Variants in ABCC11 observed in about 807,000 individuals in gnomAD.
The protein encoded by ABCC11 is ATP-binding cassette sub-family C member 11.
Under a neutral mutation model 149.3 loss-of-function variants are expected in ABCC11, and 135 were observed. That is an observed-to-expected ratio of 0.90 (90% CI 0.79 to 1.04). The LOEUF is 1.04. Ranked by LOEUF, ABCC11 falls within the 50% of genes least tolerant of loss-of-function variation. ABCC11 has a pLI of 0.00. For missense variants in ABCC11, 1,680 were observed against 1,722.1 expected (o/e 0.98, Z 0.43); for synonymous variants, 665 against 671.4 (o/e 0.99, Z 0.15).
intron 1 of ABCC11, among the ~76,000 whole-genome samples, chr16:48,240,513 T>C (rs1005634874): frequency 1.3e-5 from 2 of 150,726 alleles, no homozygotes; most frequent in African/African-American, 4.9e-5. Context: ...CAACACAATG[T>C]GGCCTGATGG....
At chr16:48,210,534 T>C (rs946327831) in intron 11 of ABCC11, 1 of 170,006 alleles carries the variant, frequency 5.9e-6, no homozygotes, top group African/African-American at 2.4e-5. Flanking sequence ...AGCAGGAAGC[T>C]AATTTTTGTA....
chr16:48,214,881 C>G lies in ABCC11; in HGVS notation c.1248G>C (p.Met416Ile). The change falls in exon 9 of 30, where the codon ATG becomes ATC. Residue 416 changes from methionine to isoleucine, a missense_variant and splice_region_variant. By Grantham distance (10) the Met-to-Ile change is conservative. Transcript: ENST00000356608. ...TSLKLKLTAS[M>I]AFSMLASLNL... The stretch of plus-strand genomic sequence containing the variant: ...AAAACAAAGCCCCCCAAACCCTTAC[C>G]ATTGACGCTGTGAGTTTCAGCTTTA... The G allele has an allele frequency of 6.2e-7, 1 of 1,614,100 alleles. No homozygotes were observed. The highest frequency in any genetic ancestry group is 1.7e-4 in the Middle Eastern group (1 of 6,056).
intron 8 of ABCC11, 29 bp from the exon 9 acceptor site, chr16:48,215,058 G>A: frequency 6.2e-7 from 1 of 1,610,992 alleles, no homozygotes; most frequent in Admixed American, 1.7e-5. Flanking sequence ...ATACACCAAA[G>A]ATAACCACAA....
chr16:48,180,067 G>C (rs1237667295), intron 23 of ABCC11, among the ~76,000 whole-genome samples: 1 of 152,214 alleles, frequency 6.6e-6, no homozygotes, highest in Non-Finnish European at 1.5e-5. Flanking sequence ...CACCCTGCGG[G>C]CTGCCTTGCC....
At chr16:48,198,878 A>G (rs533377929) in intron 15 of ABCC11, among the ~76,000 whole-genome samples, 3 of 152,120 alleles carry the variant, frequency 2.0e-5, no homozygotes, top group African/African-American at 7.2e-5. Context: ...CTGTACTACA[A>G]ATACAAAAAT....
At chr16:48,181,289 G>A (rs1207841101) in intron 23 of ABCC11, among the ~76,000 whole-genome samples, 2 of 152,210 alleles carry the variant, frequency 1.3e-5, no homozygotes, top group Non-Finnish European at 2.9e-5. Flanking sequence ...GAGAATGTGA[G>A]CCTGTGCACA....
intron 15 of ABCC11, among the ~76,000 whole-genome samples, chr16:48,200,046 A>G (rs573015288): frequency 4.6e-5 from 7 of 152,222 alleles, no homozygotes; most frequent in Admixed American, 4.6e-4. Context: ...GAGACCATAA[A>G]ATTTGTTCTC....
intron 17 of ABCC11, 139 bp downstream of exon 17, chr16:48,197,832 G>A (rs1967577222): frequency 1.1e-6 from 1 of 888,392 alleles, no homozygotes; most frequent in African/African-American, 1.7e-5. Context: ...CTTGGTTCTG[G>A]AACCTGTGTA....
intron 4 of ABCC11, among the ~76,000 whole-genome samples, chr16:48,226,566 T>C (rs8060722): frequency 0.13 from 19,897 of 152,008 alleles, 1,578 homozygotes; most frequent in African/African-American, 0.23. Context: ...CGTGAGCCAC[T>C]GCACCCGGCC....
At chr16:48,182,104 C>A (rs981427037) in intron 23 of ABCC11, among the ~76,000 whole-genome samples, 5 of 152,182 alleles carry the variant, frequency 3.3e-5, no homozygotes, top group Non-Finnish European at 7.3e-5. Context: ...TGAGATGGAG[C>A]CCCTTTGCAT....
chr16:48,230,218 C>T (rs1254802775), intron 3 of ABCC11, among the ~76,000 whole-genome samples: 5 of 152,330 alleles, frequency 3.3e-5, no homozygotes, highest in Non-Finnish European at 5.9e-5. Context: ...TAGCACAGTG[C>T]CTGGCACATG....
rs756725975 is a variant in ABCC11 at position 48,170,087 on chromosome 16, C to T, written c.3891+18G>A. The T allele has an allele frequency of 3.5e-5, 56 of 1,599,948 alleles. No homozygotes were observed. The highest frequency in any genetic ancestry group is 5.0e-5 in the Admixed American group (3 of 59,636). ...TAGTCTGTGGCTTCCCCTGGCCACA[C>T]GGCAGTGGTGGCCTCACCTTGGAGT... On this transcript the variant is annotated intron_variant, in intron 28 of 29. Coordinates refer to ENST00000356608, the MANE Select transcript of ABCC11 (RefSeq NM_001370497.1).
intron 1 of ABCC11, among the ~76,000 whole-genome samples, chr16:48,236,350 A>T (rs1970687104): frequency 6.6e-6 from 1 of 152,106 alleles, no homozygotes. Context: ...CTCAAATGCC[A>T]CCTCCTCAGA....
At chr16:48,202,492 T>A (rs1181445638) in intron 14 of ABCC11, among the ~76,000 whole-genome samples, 1 of 151,946 alleles carries the variant, frequency 6.6e-6, no homozygotes, top group Non-Finnish European at 1.5e-5. Context: ...ATGCCTGTAA[T>A]CCCAGCTACT....
At chr16:48,173,769 C>T (rs1464294503) in intron 26 of ABCC11, among the ~76,000 whole-genome samples, 1 of 152,124 alleles carries the variant, frequency 6.6e-6, no homozygotes, top group Non-Finnish European at 1.5e-5. Context: ...GGATTACAGA[C>T]ATGCACCACC....
intron 23 of ABCC11, among the ~76,000 whole-genome samples, chr16:48,179,123 T>C (rs1007378211): frequency 6.6e-6 from 1 of 152,222 alleles, no homozygotes; most frequent in Non-Finnish European, 1.5e-5. Flanking sequence ...ATACCCCATA[T>C]GCTTCTCAGG....
intron 1 of ABCC11, among the ~76,000 whole-genome samples, chr16:48,234,622 G>T (rs1310338355): frequency 6.6e-6 from 1 of 152,220 alleles, no homozygotes; most frequent in Non-Finnish European, 1.5e-5. Context: ...CTGTGGTATA[G>T]ATGGGAACAA....
chr16:48,199,928 G>A (rs1450437378), intron 15 of ABCC11, among the ~76,000 whole-genome samples: 1 of 151,914 alleles, frequency 6.6e-6, no homozygotes, highest in Non-Finnish European at 1.5e-5. Flanking sequence ...CTCCTGCCTT[G>A]GCCTCCCAAA....
intron 14 of ABCC11, 149 bp from the exon 15 acceptor site, chr16:48,200,628 G>C: frequency 2.5e-6 from 2 of 807,040 alleles, no homozygotes; most frequent in South Asian, 4.1e-5. Flanking sequence ...TGGCATTCTG[G>C]ACTTAAAAAT....
Sources: gnomAD v4.1 joint callset for allele counts (sites outside exome capture counted in the v4.1 genomes callset) on GRCh38, gnomAD v4.1.1 for gene constraint, MANE v1.5 for transcripts, NCBI Gene and HGNC (gene_info 2026-07-23, HGNC 2026-07-21) for gene names.